RAPGEF5: variants seen among roughly 807,000 people sequenced by gnomAD.
RAPGEF5 encodes Rap guanine nucleotide exchange factor 5.
In RAPGEF5, 65 loss-of-function variants were observed where a neutral mutation model predicts 125.2. The ratio of observed to expected loss-of-function variants is 0.52; its 90% confidence interval spans 0.43 to 0.64. RAPGEF5 has a LOEUF of 0.64. Ranked by LOEUF, RAPGEF5 falls within the 30% of genes least tolerant of loss-of-function variation. The probability of loss-of-function intolerance (pLI) is 0.00; values close to 1 mark genes in which losing one functional copy is unlikely to be tolerated. For missense variants in RAPGEF5, 958 were observed against 1,048.1 expected, an observed-to-expected ratio of 0.91 and a Z score of 1.19; for synonymous variants, 391 against 385.9, an observed-to-expected ratio of 1.01 and a Z score of -0.16.
intron 18 of RAPGEF5, 117 bp downstream of exon 18, chr7:22,150,290 C>T (rs1211410952): frequency 1.8e-5 from 19 of 1,034,130 alleles, no homozygotes; most frequent in African/African-American, 3.2e-5. Flanking sequence ...CTAAGCTGGT[C>T]TCAAACTTCT....
chr7:22,182,887 G>C (rs931077512), intron 11 of RAPGEF5, among the ~76,000 whole-genome samples: 1 of 152,086 alleles, frequency 6.6e-6, no homozygotes, highest in African/African-American at 2.4e-5. Context: ...TTCATCCTAC[G>C]TCAAAGAGAT....
chr7:22,241,681 T>G (rs1305963324), intron 7 of RAPGEF5, among the ~76,000 whole-genome samples: 1 of 152,176 alleles, frequency 6.6e-6, no homozygotes, highest in Non-Finnish European at 1.5e-5. Flanking sequence ...TCAATGTTAG[T>G]GACTTTATAT....
At chr7:22,200,447 T>C (rs547935468) in intron 9 of RAPGEF5, among the ~76,000 whole-genome samples, 1 of 152,340 alleles carries the variant, frequency 6.6e-6, no homozygotes, top group East Asian at 1.9e-4. Context: ...CTAACAAATA[T>C]GTCTTTGTAC....
intron 19 of RAPGEF5, among the ~76,000 whole-genome samples, chr7:22,145,755 A>G (rs1783414978): frequency 6.6e-6 from 1 of 152,180 alleles, no homozygotes; most frequent in African/African-American, 2.4e-5. Context: ...TGCATTTCTA[A>G]CAAGTGCCCA....
chr7:22,308,588 G>T, intron 4 of RAPGEF5, 81 bp from the exon 5 acceptor site: 1 of 1,175,664 alleles, frequency 8.5e-7, no homozygotes. Context: ...TAAATTGAAA[G>T]CCCTAATAAT....
intron 14 of RAPGEF5, 114 bp from the exon 15 acceptor site, chr7:22,157,999 A>C: frequency 1.1e-6 from 1 of 943,918 alleles, no homozygotes; most frequent in Non-Finnish European, 1.6e-6. Flanking sequence ...TCTTTAAAAA[A>C]AATAAAACAC....
intron 5 of RAPGEF5, among the ~76,000 whole-genome samples, chr7:22,297,963 T>C (rs1162775879): frequency 6.6e-6 from 1 of 152,146 alleles, no homozygotes; most frequent in Non-Finnish European, 1.5e-5. Flanking sequence ...TCTTGAAGGG[T>C]TAAATTTTCT....
At chr7:22,220,188 G>T in intron 8 of RAPGEF5, 197 bp from the exon 9 acceptor site, 1 of 628,684 alleles carries the variant, frequency 1.6e-6, no homozygotes, top group Non-Finnish European at 2.7e-6. Flanking sequence ...AAGACTTAAA[G>T]TTGAGTCTGC....
chr7:22,148,438 G>A (rs934750062), intron 18 of RAPGEF5, among the ~76,000 whole-genome samples: 2 of 152,150 alleles, frequency 1.3e-5, no homozygotes, highest in African/African-American at 4.8e-5. Flanking sequence ...CATTCCTTCA[G>A]TGCTCTAATT....
intron 25 of RAPGEF5, among the ~76,000 whole-genome samples, chr7:22,123,142 T>C (rs117003375): frequency 0.01 from 1,573 of 152,290 alleles, 15 homozygotes; most frequent in Non-Finnish European, 0.016. Flanking sequence ...AGTATGTGTA[T>C]GGACTAAAGT....
intron 6 of RAPGEF5, among the ~76,000 whole-genome samples, chr7:22,282,852 A>G (rs938634067): frequency 4.6e-5 from 7 of 152,248 alleles, no homozygotes; most frequent in African/African-American, 1.4e-4. Context: ...CATAACAGCA[A>G]AAGAGTGAAA....
chr7:22,173,110 C>G (rs1211322994), intron 11 of RAPGEF5, among the ~76,000 whole-genome samples: 1 of 152,032 alleles, frequency 6.6e-6, no homozygotes, highest in African/African-American at 2.4e-5. Context: ...TTTAAGAAGC[C>G]AAGAAAAGCT....
chr7:22,238,610 C>T (rs927466189), intron 7 of RAPGEF5, among the ~76,000 whole-genome samples: 2 of 152,200 alleles, frequency 1.3e-5, no homozygotes, highest in African/African-American at 4.8e-5. Flanking sequence ...ACAAGCTCAA[C>T]AAGGAGTATT....
At chr7:22,127,239 A>C (rs769941312) in intron 24 of RAPGEF5, among the ~76,000 whole-genome samples, 23 of 151,870 alleles carry the variant, frequency 1.5e-4, no homozygotes, top group Non-Finnish European at 2.2e-4. Flanking sequence ...GGGTTTCACC[A>C]TGTTCAAGTC....
In RAPGEF5 at chr7:22,145,037, A is replaced by G. The variant is rs1783388152; in HGVS notation, c.2186+7T>C. 2 of 1,612,174 alleles carry G rather than the reference A, an allele frequency of 1.2e-6. No homozygotes were observed. Among genetic ancestry groups the G allele is most frequent in the Non-Finnish European group, 8.5e-7 (1 of 1,178,836 alleles). On this transcript the variant is annotated splice_region_variant and intron_variant, in intron 20 of 25. Transcript: ENST00000665637. ...GAGGAATGGCACTTCTCACACTAGAAACTTACTGAGCCGCAATTTTGATGA... is the reference window on the plus strand; with the variant it reads ...GAGGAATGGCACTTCTCACACTAGAGACTTACTGAGCCGCAATTTTGATGA...
intron 7 of RAPGEF5, among the ~76,000 whole-genome samples, chr7:22,247,404 A>T (rs1220200398): frequency 6.6e-6 from 1 of 152,144 alleles, no homozygotes; most frequent in African/African-American, 2.4e-5. Context: ...AGAGACCCAG[A>T]AGGAGGTAAC....
At chr7:22,181,333 G>C (rs949846047) in intron 11 of RAPGEF5, among the ~76,000 whole-genome samples, 5 of 152,164 alleles carry the variant, frequency 3.3e-5, no homozygotes, top group African/African-American at 1.2e-4. Flanking sequence ...GAAAAAAATA[G>C]CAGAAGCTTA....
intron 20 of RAPGEF5, among the ~76,000 whole-genome samples, chr7:22,142,583 C>G (rs1783298536): frequency 6.6e-6 from 1 of 152,146 alleles, no homozygotes; most frequent in Non-Finnish European, 1.5e-5. Context: ...GGAATTAATA[C>G]AGACACACTT....
At chr7:22,283,054 C>T (rs1399166885) in intron 6 of RAPGEF5, among the ~76,000 whole-genome samples, 1 of 151,418 alleles carries the variant, frequency 6.6e-6, no homozygotes, top group Non-Finnish European at 1.5e-5. Context: ...AATACACACA[C>T]ACACACACAC....
Sources: gnomAD v4.1 joint callset for allele counts (sites outside exome capture counted in the v4.1 genomes callset) on GRCh38, gnomAD v4.1.1 for gene constraint, MANE v1.5 for transcripts, NCBI Gene and HGNC (gene_info 2026-07-23, HGNC 2026-07-21) for gene names.